The following MARK4 variants were observed in gnomAD, a reference collection of about 807,000 sequenced individuals.
MARK4 encodes the protein microtubule affinity regulating kinase 4.
In MARK4, 19 loss-of-function variants were observed where a neutral mutation model predicts 81.5. The ratio of observed to expected loss-of-function variants is 0.23; its 90% CI spans 0.16 to 0.34. The LOEUF is 0.34. Ranked by LOEUF, MARK4 falls within the 10% of genes least tolerant of loss-of-function variation. The pLI, the probability that MARK4 is intolerant of heterozygous loss-of-function variation, is 1.00. For missense variants in MARK4, 772 were observed against 1,058.8 expected, an observed-to-expected ratio of 0.73 and a Z score of 3.76; for synonymous variants, 436 against 439.0, an observed-to-expected ratio of 0.99 and a Z score of 0.08.
intron 1 of MARK4, among the ~76,000 whole-genome samples, chr19:45,254,445 C>T (rs1455956927): frequency 6.6e-6 from 1 of 152,198 alleles, no homozygotes; most frequent in African/African-American, 2.4e-5. Context: ...CCAGGATCTC[C>T]ACCTGCCTCC....
chr19:45,278,628 G>C lies in MARK4; in HGVS notation c.1006+13G>C. The C allele has an allele frequency of 6.2e-7, 1 of 1,601,678 alleles. No individual in the cohort carries two copies. The highest frequency in any genetic ancestry group is 1.3e-5 in the African/African-American group (1 of 74,780). On this transcript the variant is annotated intron_variant, in intron 10 of 16. Transcript: ENST00000262891. Reference sequence around the variant, plus strand: ...ACCAAGAGAATTGGTGAGGGTCAGGGAGAGCCATCCTGTCACCCAGGATGG... The same window carrying C: ...ACCAAGAGAATTGGTGAGGGTCAGGCAGAGCCATCCTGTCACCCAGGATGG...
intron 7 of MARK4, among the ~76,000 whole-genome samples, chr19:45,266,488 G>T (rs2074964): frequency 3.3e-5 from 5 of 151,998 alleles, no homozygotes; most frequent in Non-Finnish European, 7.4e-5. Flanking sequence ...GGAGCGGATG[G>T]GGGGGAGGGG....
intron 13 of MARK4, among the ~76,000 whole-genome samples, chr19:45,291,245 C>A (rs78491196): frequency 6.6e-6 from 1 of 152,124 alleles, no homozygotes; most frequent in Admixed American, 6.6e-5. Flanking sequence ...ACTGGAGGAG[C>A]GGACAATGGG....
chr19:45,293,038 C>T (rs1191135403), intron 13 of MARK4, among the ~76,000 whole-genome samples: 2 of 152,054 alleles, frequency 1.3e-5, no homozygotes, highest in Non-Finnish European at 2.9e-5. Flanking sequence ...GAGGCTGAGG[C>T]GGGTGGATCA....
intron 13 of MARK4, 92 bp downstream of exon 13, chr19:45,287,756 C>G: frequency 7.2e-7 from 1 of 1,390,300 alleles, no homozygotes; most frequent in Non-Finnish European, 1.0e-6. Context: ...AGACGGAACT[C>G]CTTCTTACCA....
Position 45,280,566 on chromosome 19 carries a change from C to T in MARK4, c.1117-9C>T. ...GTGCAGAAGAGCCTCATCTGTCATCCTCTCGCAGGAGGGTGGGGACCGGGG... is the reference window on the plus strand; with the variant it reads ...GTGCAGAAGAGCCTCATCTGTCATCTTCTCGCAGGAGGGTGGGGACCGGGG... On this transcript the variant is annotated splice_polypyrimidine_tract_variant and intron_variant, in intron 11 of 16. Transcript: ENST00000262891. The T allele has an allele frequency of 1.9e-5, 31 of 1,613,870 alleles. No individual in the cohort carries two copies. Among genetic ancestry groups the T allele is most frequent in the Non-Finnish European group, 2.6e-5 (31 of 1,179,836 alleles).
intron 10 of MARK4, 60 bp downstream of exon 10, chr19:45,278,675 C>A: frequency 2.4e-6 from 3 of 1,254,004 alleles, no homozygotes; most frequent in Non-Finnish European, 3.5e-6. Flanking sequence ...GCAATCTCGG[C>A]TCACTGCAAC....
chr19:45,283,831 T>TTAA (rs1970708743), intron 12 of MARK4, among the ~76,000 whole-genome samples: 1 of 152,066 alleles, frequency 6.6e-6, no homozygotes, highest in African/African-American at 2.4e-5. Context: ...AACTGTGTGT[T>TTAA]TAATAATAGT....
At chr19:45,291,128 G>C (rs541906059) in intron 13 of MARK4, among the ~76,000 whole-genome samples, 1 of 152,270 alleles carries the variant, frequency 6.6e-6, no homozygotes, top group Admixed American at 6.5e-5. Flanking sequence ...TCTGAGGCCC[G>C]TGTGTCAGAG....
intron 7 of MARK4, among the ~76,000 whole-genome samples, chr19:45,269,653 G>A (rs1441889650): frequency 2.6e-5 from 4 of 152,108 alleles, no homozygotes; most frequent in Non-Finnish European, 4.4e-5. Context: ...TTTGTAGTCA[G>A]AAGGCTGGAG....
intron 8 of MARK4, 76 bp from the exon 9 acceptor site, chr19:45,277,846 TG>T: frequency 2.3e-6 from 3 of 1,330,512 alleles, no homozygotes; most frequent in Non-Finnish European, 3.1e-6. Context: ...TGTGTGTGTG[TG>T]TGTGTGTGTG....
intron 5 of MARK4, 30 bp downstream of exon 5, chr19:45,264,779 CT>C (rs1568492130): frequency 4.1e-5 from 66 of 1,613,972 alleles, no homozygotes; most frequent in Non-Finnish European, 5.6e-5. Flanking sequence ...CGCCCTGCCC[CT>C]GTGCCACCTC....
intron 2 of MARK4, among the ~76,000 whole-genome samples, chr19:45,259,979 C>T (rs889890087): frequency 4.0e-5 from 6 of 151,128 alleles, no homozygotes; most frequent in African/African-American, 1.2e-4. Context: ...CTCAGCTGCT[C>T]AGTAGGCTGA....
At chr19:45,300,372 C>CAAAAAAAAAA (rs1234197295) in intron 16 of MARK4, among the ~76,000 whole-genome samples, 1 of 31,488 alleles carries the variant, frequency 3.2e-5, no homozygotes, top group Non-Finnish European at 7.7e-5. Context: ...AAAAAAAAAG[C>CAAAAAAAAAA]CTCATCCCAT....
At chr19:45,263,510 G>A in intron 4 of MARK4, 143 bp downstream of exon 4, 1 of 966,428 alleles carries the variant, frequency 1.0e-6, no homozygotes, top group Non-Finnish European at 1.6e-6. Context: ...GGGAGGCCGA[G>A]GCGGGTGGAT....
chr19:45,280,770 T>A (rs1174417628), intron 12 of MARK4, 36 bp downstream of exon 12: 2 of 1,609,116 alleles, frequency 1.2e-6, no homozygotes, highest in Non-Finnish European at 8.5e-7. Flanking sequence ...GCACCCTCCT[T>A]CTCCCCAAGG....
In MARK4 at chr19:45,280,592, C is replaced by T. The variant is rs767240440; in HGVS notation, c.1134C>T (p.Gly378=). ...GRKTEEGGDR[G]APGLALARVR... Reference sequence around the variant, plus strand: ...TCTCGCAGGAGGGTGGGGACCGGGGCGCCCCAGGGCTGGCCCTGGCACGGG... The same window carrying T: ...TCTCGCAGGAGGGTGGGGACCGGGGTGCCCCAGGGCTGGCCCTGGCACGGG... Residue 378 remains glycine (G), a synonymous_variant, in exon 12 of 17, where the codon GGC becomes GGT. Coordinates refer to ENST00000262891, the MANE Select transcript of MARK4 (RefSeq NM_001199867.2). 6.8e-6 allele frequency: 11 copies of T among 1,613,596 alleles called. No individual in the cohort carries two copies. Among genetic ancestry groups the T allele is most frequent in the East Asian group, 4.5e-5 (2 of 44,870 alleles).
In MARK4 at chr19:45,303,108, G is replaced by A. The variant is rs1971000257; in HGVS notation, c.*398G>A. The A allele has an allele frequency of 9.1e-6, 2 of 220,636 alleles. No homozygotes were observed. Among genetic ancestry groups the A allele is most frequent in the Non-Finnish European group, 1.8e-5 (2 of 111,140 alleles). The allele number at this position is 220,636 out of a possible 1,614,324, so 13.7% of individuals were successfully genotyped here. ...AGCCTAAAGACTGGAGAATCTGGGG[G>A]ACTGGGAGTGGGGGTCAGAGAGGCA... On this transcript the variant is annotated 3_prime_UTR_variant, in exon 17 of 17. Transcript: ENST00000262891.
Position 45,251,757 on chromosome 19 carries a change from C to T in MARK4, c.51+118C>T, listed in dbSNP as rs148235604. 1,199 of 915,726 alleles carry T rather than the reference C, an allele frequency of 1.3e-3. 18 individuals are homozygous for T. The Admixed American group carries it at 0.02, about 15-fold the overall frequency. 56.7% of individuals were successfully genotyped at this position (915,726 alleles called of 1,614,324 possible). On this transcript the variant is annotated intron_variant, in intron 1 of 16. Transcript: ENST00000262891. ...CTCGTTTCCTGGGCCCGACCCGGCT[C>T]GTCACCTCTCGACCCCTCCCGGACT...
Sources: gnomAD v4.1 joint callset for allele counts (sites outside exome capture counted in the v4.1 genomes callset) on GRCh38, gnomAD v4.1.1 for gene constraint, MANE v1.5 for transcripts, NCBI Gene and HGNC (gene_info 2026-07-23, HGNC 2026-07-21) for gene names.